UBR4: variants seen among roughly 807,000 people sequenced by gnomAD.
The protein encoded by UBR4 is ubiquitin protein ligase E3 component n-recognin 4, also known as E3 ubiquitin-protein ligase UBR4.
UBR4 carries 124 observed loss-of-function variants against 575.6 expected under a neutral mutation model. The ratio of observed to expected loss-of-function variants is 0.22; its 90% confidence interval spans 0.19 to 0.25. UBR4 has a LOEUF of 0.25. Among genes scored for constraint, UBR4 ranks in the 10% least tolerant of loss-of-function variants. The probability of loss-of-function intolerance (pLI) is 1.00; values close to 1 mark genes in which losing one functional copy is unlikely to be tolerated. For missense variants in UBR4, 4,818 were observed against 6,478.8 expected (o/e 0.74, Z 8.80); for synonymous variants, 2,455 against 2,473.7 (o/e 0.99, Z 0.22).
intron 92 of UBR4, among the ~76,000 whole-genome samples, chr1:19,096,079 C>T (rs2078009279): frequency 6.6e-6 from 1 of 151,424 alleles, no homozygotes; most frequent in African/African-American, 2.4e-5. Flanking sequence ...TCTCATAAAC[C>T]CTGGGGGAGT....
intron 103 of UBR4, chr1:19,079,893 A>T (rs1368840271): frequency 2.0e-5 from 3 of 152,274 alleles, no homozygotes; most frequent in African/African-American, 7.2e-5. Context: ...AGTAAAGGTG[A>T]CGAAACTGCT....
intron 97 of UBR4, among the ~76,000 whole-genome samples, chr1:19,090,863 G>T (rs769410446): frequency 2.6e-5 from 4 of 152,274 alleles, no homozygotes; most frequent in South Asian, 2.1e-4. Flanking sequence ...GGGAGGCTGA[G>T]GGGAGCGGAT....
chr1:19,137,663 A>G (rs1193006444), intron 60 of UBR4, among the ~76,000 whole-genome samples: 1 of 152,240 alleles, frequency 6.6e-6, no homozygotes, highest in African/African-American at 2.4e-5. Flanking sequence ...TGCCATTTGT[A>G]AAGAGGATGC....
rs373965048 is a variant in UBR4, at chr1:19,094,892, C to T, written c.13746+14G>A. 7 of 1,612,096 alleles carry T rather than the reference C, an allele frequency of 4.3e-6. No homozygotes were observed. The highest frequency in any genetic ancestry group is 1.1e-5 in the South Asian group (1 of 90,990). Reference sequence around the variant, plus strand: ...TCTCAGTGCCTGCAGATGGAGGGGCCGAGCCCCACTCACCTTGTCCTCACT... The same window carrying T: ...TCTCAGTGCCTGCAGATGGAGGGGCTGAGCCCCACTCACCTTGTCCTCACT... On this transcript the variant is annotated intron_variant, in intron 94 of 105. Coordinates refer to ENST00000375254, the MANE Select transcript of UBR4 (RefSeq NM_020765.3).
chr1:19,120,231 T>C lies in UBR4; in HGVS notation c.10259A>G (p.Asn3420Ser), dbSNP rs139338610. ...GGCCTGCCAGCGCACCGAGGAAGAA[T>C]TGGACTCTAACAGGAAACAACGCAG... ...QFLRCFLLES[N>S]SSSVRWQAHC... Residue 3420 changes from asparagine to serine, a missense_variant, in exon 69 of 106, where the codon AAT becomes AGT. By Grantham distance (46) the Asn-to-Ser change is conservative (BLOSUM62 1). This residue lies in a region of UBR4 where 550 missense variants were observed against 791.5 expected (regional missense o/e 0.69). Coordinates refer to ENST00000375254, the MANE Select transcript of UBR4 (RefSeq NM_020765.3). The C allele has an allele frequency of 3.7e-5, 59 of 1,614,026 alleles. No homozygotes were observed. The highest frequency in any genetic ancestry group is 1.3e-4 in the East Asian group (6 of 44,892).
intron 101 of UBR4, among the ~76,000 whole-genome samples, chr1:19,085,194 CA>C (rs1240887731): frequency 6.6e-6 from 1 of 152,198 alleles, no homozygotes; most frequent in Non-Finnish European, 1.5e-5. Context: ...GCAAGTTGCT[CA>C]AACTCTGCAT....
intron 94 of UBR4, among the ~76,000 whole-genome samples, chr1:19,094,564 G>A (rs2077838882): frequency 6.6e-6 from 1 of 152,128 alleles, no homozygotes; most frequent in African/African-American, 2.4e-5. Flanking sequence ...CACAGCTGAG[G>A]AAATGCCAAG....
rs2080174315 is a variant in UBR4, at chr1:19,113,805, C to A, written c.11351G>T (p.Gly3784Val). ...CACACTGGCAGAAGTGGAGCTGATG[C>A]CCCCTGCTGTTCCTGAGTCATCCTG... ...KPQDDSGTAG[G>V]ISSTSASVNR... The change falls in exon 77 of 106, where the codon GGC becomes GTC. Residue 3784 changes from glycine (G) to valine (V), a missense_variant. Gly to Val is a moderately radical substitution (Grantham distance 109). Coordinates refer to ENST00000375254, the MANE Select transcript of UBR4 (RefSeq NM_020765.3). 1 of 1,614,064 alleles carries A rather than the reference C, an allele frequency of 6.2e-7. No individual in the cohort carries two copies. The highest frequency in any genetic ancestry group is 1.3e-5 in the African/African-American group (1 of 74,928).
intron 48 of UBR4, 186 bp from the exon 49 acceptor site, chr1:19,150,979 G>A: frequency 6.1e-6 from 4 of 659,838 alleles, no homozygotes; most frequent in Non-Finnish European, 7.6e-6. Flanking sequence ...TGTGGTAAAA[G>A]TTCCATGGAC....
At chr1:19,183,447 C>T (rs1460888553) in intron 17 of UBR4, among the ~76,000 whole-genome samples, 4 of 152,164 alleles carry the variant, frequency 2.6e-5, no homozygotes, top group African/African-American at 4.8e-5. Context: ...ACAGGCCGGG[C>T]GCGGTGGCTC....
At chr1:19,140,596 G>A (rs2149972572) in intron 58 of UBR4, among the ~76,000 whole-genome samples, 192 bp downstream of exon 58, 1 of 152,342 alleles carries the variant, frequency 6.6e-6, no homozygotes, top group East Asian at 1.9e-4. Context: ...AAAGTGTGAG[G>A]AAGCGGAGCT....
chr1:19,201,668 C>A (rs772166063), intron 2 of UBR4, 50 bp downstream of exon 2: 2 of 1,497,264 alleles, frequency 1.3e-6, no homozygotes, highest in Non-Finnish European at 9.3e-7. Context: ...GATAAACAAT[C>A]CCCCTATTCA....
At chr1:19,190,765 C>T (rs537224281) in intron 11 of UBR4, among the ~76,000 whole-genome samples, 104 of 152,254 alleles carry the variant, frequency 6.8e-4, no homozygotes, top group Non-Finnish European at 1.1e-3. Flanking sequence ...CAGCCTTTGC[C>T]GCACCACCCT....
At chr1:19,179,242 A>G (rs2090614108) in intron 17 of UBR4, 22 bp from the exon 18 acceptor site, 1 of 1,535,838 alleles carries the variant, frequency 6.5e-7, no homozygotes, top group African/African-American at 1.4e-5. Context: ...GACATGGAAC[A>G]GAACATTAGC....
At chr1:19,202,022 G>A (rs1359982961) in intron 1 of UBR4, among the ~76,000 whole-genome samples, 3 of 151,996 alleles carry the variant, frequency 2.0e-5, no homozygotes, top group South Asian at 2.1e-4. Flanking sequence ...GTGAAAACCC[G>A]TCACCACTAA....
At chr1:19,133,165 T>C (rs2082733735) in intron 60 of UBR4, among the ~76,000 whole-genome samples, 1 of 152,172 alleles carries the variant, frequency 6.6e-6, no homozygotes, top group Non-Finnish European at 1.5e-5. Flanking sequence ...AGAAAAATTT[T>C]AAGCCTAAAC....
At chr1:19,104,420 G>T (rs2078971504) in intron 86 of UBR4, among the ~76,000 whole-genome samples, 163 bp from the exon 87 acceptor site, 1 of 152,140 alleles carries the variant, frequency 6.6e-6, no homozygotes. Flanking sequence ...AGCAAACAGG[G>T]TCTCAAAATC....
intron 60 of UBR4, among the ~76,000 whole-genome samples, chr1:19,135,704 T>C (rs763471672): frequency 1.9e-4 from 29 of 152,146 alleles, no homozygotes; most frequent in African/African-American, 6.5e-4. Context: ...CTAAGAGACA[T>C]GAAGAAGAGA....
chr1:19,173,727 AG>A, intron 22 of UBR4, 106 bp from the exon 23 acceptor site: 1 of 1,087,214 alleles, frequency 9.2e-7, no homozygotes, highest in Non-Finnish European at 1.3e-6. Context: ...AACTGTATAG[AG>A]TCCTGATTTT....
Sources: allele counts gnomAD v4.1 joint callset (sites outside exome capture counted in the v4.1 genomes callset), GRCh38; gene constraint gnomAD v4.1.1; regional missense constraint gnomAD v4.1.1; transcripts MANE v1.5; gene names NCBI Gene and HGNC (gene_info 2026-07-23, HGNC 2026-07-21).